HECTD2: variants seen among roughly 807,000 people sequenced by gnomAD.
The protein encoded by HECTD2 is probable E3 ubiquitin-protein ligase HECTD2.
In HECTD2, 35 loss-of-function variants were observed where a neutral mutation model predicts 103.2. The observed-to-expected ratio is 0.34, with a 90% CI of 0.26 to 0.45. The LOEUF is 0.45. HECTD2 is among the 20% of genes least tolerant of loss of function. The pLI is 1.00. For missense variants in HECTD2, 596 were observed against 937.4 expected, an observed-to-expected ratio of 0.64 and a Z score of 4.76; for synonymous variants, 281 against 329.9, an observed-to-expected ratio of 0.85 and a Z score of 1.61.
In HECTD2 at chr10:91,492,400, G is replaced by T; in HGVS notation, c.1348G>T (p.Val450Leu). 3 of 1,613,322 alleles carry T rather than the reference G, an allele frequency of 1.9e-6. No homozygotes were observed. The highest frequency in any genetic ancestry group is 2.5e-6 in the Non-Finnish European group (3 of 1,179,376). The change falls in exon 13 of 21, where the codon GTA (valine) becomes TTA (leucine). Residue 450 changes from valine (V) to leucine (L), a missense_variant. Physicochemically the swap from Val to Leu is conservative, Grantham distance 32. Around this residue, in one of 4 missense-constraint regions of HECTD2, gnomAD observed 303 missense variants for 522.5 expected, o/e 0.58. Transcript: ENST00000298068. ...DLKKKLKVTF[V>L]GEAGLDMGGL... ...GAAAAAGAAGTTAAAAGTTACATTT[G>T]TAGGGGAAGCTGGTTTGGATATGGG...
intron 2 of HECTD2, among the ~76,000 whole-genome samples, chr10:91,431,864 C>G (rs1489178082): frequency 3.3e-5 from 5 of 152,048 alleles, no homozygotes; most frequent in Non-Finnish European, 5.9e-5. Flanking sequence ...TTGTCTGAAG[C>G]CTTCTTCTCT....
At chr10:91,503,818 G>C (rs1047892760) in intron 20 of HECTD2, among the ~76,000 whole-genome samples, 3 of 152,318 alleles carry the variant, frequency 2.0e-5, no homozygotes, top group African/African-American at 7.2e-5. Context: ...TCCACCTCTG[G>C]GGGCAGGGCA....
rs763089260 is a variant in HECTD2 at position 91,425,287 on chromosome 10, G to A, written c.145G>A (p.Asp49Asn). Residue 49 changes from aspartate (D) to asparagine (N), a missense_variant, in exon 2 of 21, where the codon GAC (aspartate) becomes AAC (asparagine). Asp to Asn is a conservative substitution (Grantham distance 23, BLOSUM62 1). Around this residue, in one of 4 missense-constraint regions of HECTD2, gnomAD observed 220 missense variants for 233.9 expected, o/e 0.94. Transcript: ENST00000298068. ...TTAACTTTTCTGTTTTCAGGGTTTG[G>A]ACAGAGGAGCCAAAGGCCAAATTTC... The part of the protein sequence containing the change: ...SAGAGATAGL[D>N]RGAKGQISTF... The A allele has an allele frequency of 6.5e-7, 1 of 1,533,792 alleles. No homozygotes were observed. Among genetic ancestry groups the A allele is most frequent in the Non-Finnish European group, 8.8e-7 (1 of 1,133,892 alleles).
chr10:91,426,914 T>G (rs1173802532), intron 2 of HECTD2, among the ~76,000 whole-genome samples: 1 of 151,374 alleles, frequency 6.6e-6, no homozygotes, highest in Non-Finnish European at 1.5e-5. Context: ...GTTAGTTACA[T>G]ATGTATACAT....
rs12246881 is a variant in HECTD2 at position 91,416,291 on chromosome 10, A to G, written c.138+5715A>G. Among the ~76,000 whole-genome samples, 883 of 152,350 alleles carry G rather than the reference A, an allele frequency of 5.8e-3. 7 individuals carry two copies. Among genetic ancestry groups the G allele is most frequent in the African/African-American group, 0.02 (848 of 41,588 alleles). ...AGGTAGAAATGAAGTCTAAATTAAC[A>G]CACATAAAACATTTAGAAAAAAACC... On this transcript the variant is annotated intron_variant, in intron 1 of 20. Coordinates refer to ENST00000298068, the MANE Select transcript of HECTD2 (RefSeq NM_182765.6).
chr10:91,465,972 T>G (rs1780940399), intron 5 of HECTD2, among the ~76,000 whole-genome samples: 1 of 152,202 alleles, frequency 6.6e-6, no homozygotes, highest in African/African-American at 2.4e-5. Context: ...GTATTCTCTC[T>G]GCTTCTGTTT....
intron 2 of HECTD2, among the ~76,000 whole-genome samples, chr10:91,432,431 A>G (rs1049873166): frequency 1.3e-5 from 2 of 151,892 alleles, no homozygotes; most frequent in Non-Finnish European, 1.5e-5. Flanking sequence ...TGTCCTTTTA[A>G]AAATAAGTGA....
chr10:91,423,705 A>G (rs952295533), intron 1 of HECTD2, among the ~76,000 whole-genome samples: 2 of 152,036 alleles, frequency 1.3e-5, no homozygotes, highest in African/African-American at 4.8e-5. Context: ...AGACTTCTTA[A>G]TTCTATGTGT....
chr10:91,461,608 G>C (rs1476212581), intron 4 of HECTD2, among the ~76,000 whole-genome samples: 2 of 152,056 alleles, frequency 1.3e-5, no homozygotes, highest in Non-Finnish European at 2.9e-5. Flanking sequence ...GAATGCAGTG[G>C]TGCAGTCTCA....
Position 91,487,602 on chromosome 10 carries a change from A to G in HECTD2, c.1095-80A>G, listed in dbSNP as rs749669753. The G allele has an allele frequency of 2.5e-5, 21 of 844,646 alleles. No individual in the cohort carries two copies. The highest frequency in any genetic ancestry group is 1.5e-5 in the Non-Finnish European group (7 of 478,974). The allele number at this position is 844,646 out of a possible 1,614,324, so 52.3% of individuals were successfully genotyped here. A position where few individuals can be genotyped will look rare whatever the true frequency, so the allele number is the denominator to read the frequency against. ...AAAAGTAATGTTTTATATTGCTACA[A>G]GGGGTACCTTAGATTCCCTTAGTAT... On this transcript the variant is annotated intron_variant, in intron 10 of 20. Transcript: ENST00000298068. The surrounding 1 kb of genome is among the most constrained non-coding windows in gnomAD (Gnocchi z 4.1).
At chr10:91,457,088 CA>C (rs924608812) in intron 2 of HECTD2, among the ~76,000 whole-genome samples, 1 of 152,004 alleles carries the variant, frequency 6.6e-6, no homozygotes, top group Admixed American at 6.6e-5. Flanking sequence ...ACCAATTCCT[CA>C]AAAAACAAAA....
intron 2 of HECTD2, among the ~76,000 whole-genome samples, chr10:91,439,390 T>C (rs1455406658): frequency 6.6e-6 from 1 of 152,180 alleles, no homozygotes; most frequent in Non-Finnish European, 1.5e-5. Flanking sequence ...TTATTGTAGA[T>C]GTGTGGCATT....
At chr10:91,429,794 G>A (rs868432109) in intron 2 of HECTD2, among the ~76,000 whole-genome samples, 42 of 151,262 alleles carry the variant, frequency 2.8e-4, no homozygotes, top group African/African-American at 6.1e-4. Context: ...TCTTGCTAGC[G>A]GTCTATCAAT....
intron 2 of HECTD2, among the ~76,000 whole-genome samples, chr10:91,430,170 T>G (rs1040776801): frequency 3.9e-5 from 6 of 152,324 alleles, no homozygotes; most frequent in Admixed American, 3.9e-4. Flanking sequence ...TTGTTCAGTT[T>G]CCATGTAGTT....
At chr10:91,467,052 T>C (rs930228465) in intron 5 of HECTD2, among the ~76,000 whole-genome samples, 5 of 151,496 alleles carry the variant, frequency 3.3e-5, no homozygotes, top group African/African-American at 1.2e-4. Flanking sequence ...ATTGGACAGA[T>C]GGAGGACACA....
intron 7 of HECTD2, among the ~76,000 whole-genome samples, chr10:91,482,113 T>C (rs955745789): frequency 2.0e-5 from 3 of 151,858 alleles, no homozygotes; most frequent in African/African-American, 2.4e-5. Context: ...TAGGTGAGTA[T>C]ATTGGTCAGC....
At chr10:91,476,311 TGCATC>T (rs1845899233) in intron 5 of HECTD2, among the ~76,000 whole-genome samples, 2 of 152,184 alleles carry the variant, frequency 1.3e-5, no homozygotes, top group South Asian at 4.1e-4. Flanking sequence ...GTTATCTGGG[TGCATC>T]TGAGACCTAG....
At chr10:91,498,215 C>T in intron 16 of HECTD2, 33 bp downstream of exon 16, 1 of 1,340,494 alleles carries the variant, frequency 7.5e-7, no homozygotes, top group Non-Finnish European at 1.1e-6. Context: ...ATCTGTTAAT[C>T]ATATATTTCA....
At chr10:91,506,630 C>A (rs1395782898) in intron 20 of HECTD2, among the ~76,000 whole-genome samples, 1 of 151,764 alleles carries the variant, frequency 6.6e-6, no homozygotes, top group Admixed American at 6.6e-5. Flanking sequence ...TGGCAATAAT[C>A]AATAGCTTAC....
Sources: allele counts gnomAD v4.1 joint callset (sites outside exome capture counted in the v4.1 genomes callset), GRCh38; gene constraint gnomAD v4.1.1; regional missense constraint gnomAD v4.1.1; non-coding constraint Gnocchi (gnomAD v3.1); transcripts MANE v1.5; gene names NCBI Gene and HGNC (gene_info 2026-07-23, HGNC 2026-07-21).